Variants in RAPGEF2 observed in about 807,000 individuals in gnomAD.
RAPGEF2 encodes the protein PDZ domain containing guanine nucleotide exchange factor (GEF) 1.
In RAPGEF2, 54 loss-of-function variants were observed where a neutral mutation model predicts 186.7. The observed-to-expected ratio is 0.29, with a 90% confidence interval of 0.23 to 0.36. The LOEUF (loss-of-function observed/expected upper bound fraction) is 0.36. RAPGEF2 is among the 10% of genes least tolerant of loss of function. RAPGEF2 has a pLI of 1.00. For synonymous variants in RAPGEF2, 712 were observed against 705.9 expected (o/e 1.01, Z -0.14); for missense variants, 1,532 against 2,045.0 (o/e 0.75, Z 4.84).
chr4:159,149,058 C>T (rs987505906), intron 1 of RAPGEF2, among the ~76,000 whole-genome samples: 1 of 152,022 alleles, frequency 6.6e-6, no homozygotes, highest in Non-Finnish European at 1.5e-5. Flanking sequence ...TATATGTTTC[C>T]CAAAATCAAT....
intron 7 of RAPGEF2, among the ~76,000 whole-genome samples, chr4:159,281,294 T>G (rs910125912): frequency 1.3e-5 from 2 of 151,998 alleles, no homozygotes; most frequent in Non-Finnish European, 2.9e-5. Context: ...CTGGCCATCA[T>G]TTAACTTCTT....
chr4:159,190,418 A>G (rs1172096548), intron 2 of RAPGEF2, among the ~76,000 whole-genome samples: 1 of 152,182 alleles, frequency 6.6e-6, no homozygotes, highest in Non-Finnish European at 1.5e-5. Context: ...TAGATTTAAC[A>G]GGAGAGATGG....
intron 2 of RAPGEF2, among the ~76,000 whole-genome samples, chr4:159,191,630 T>C (rs866887315): frequency 7.2e-5 from 11 of 152,050 alleles, no homozygotes; most frequent in Middle Eastern, 3.4e-3. Flanking sequence ...TCCCAGCCAC[T>C]TGGGAGGCTG....
chr4:159,352,206 G>A (rs139661563), intron 26 of RAPGEF2, among the ~76,000 whole-genome samples: 266 of 152,242 alleles, frequency 1.7e-3, no homozygotes, highest in Admixed American at 3.1e-3. Context: ...TATTCTTTTT[G>A]TTTATATGTT....
At chr4:159,135,886 A>G (rs897697057) in intron 1 of RAPGEF2, among the ~76,000 whole-genome samples, 1 of 152,244 alleles carries the variant, frequency 6.6e-6, no homozygotes, top group African/African-American at 2.4e-5. Context: ...GGCGTGAGCC[A>G]CTGTGCCTGG....
At chr4:159,338,140 T>C (rs75278007) in intron 17 of RAPGEF2, among the ~76,000 whole-genome samples, 171 bp from the exon 18 acceptor site, 1,751 of 152,200 alleles carry the variant, frequency 0.012, 28 homozygotes, top group African/African-American at 0.039. Context: ...ATGAGTTGGA[T>C]ACACTTAAGC....
intron 7 of RAPGEF2, among the ~76,000 whole-genome samples, chr4:159,272,796 AGGTCAGTACAGGTGATGGAGT>A: frequency 6.6e-6 from 1 of 152,356 alleles, no homozygotes; most frequent in Middle Eastern, 3.4e-3. Flanking sequence ...AGAGAGAAGT[AGGTCAGTACAGGTGATGGAGT>A]GGAGGATGTT....
chr4:159,120,807 T>A (rs1739589736), intron 1 of RAPGEF2, among the ~76,000 whole-genome samples: 1 of 151,980 alleles, frequency 6.6e-6, no homozygotes, highest in African/African-American at 2.4e-5. Flanking sequence ...AAGCTAAGAG[T>A]TTATTGGGCT....
chr4:159,282,026 A>G (rs1346200204), intron 7 of RAPGEF2, among the ~76,000 whole-genome samples: 1 of 151,970 alleles, frequency 6.6e-6, no homozygotes, highest in Non-Finnish European at 1.5e-5. Flanking sequence ...GTTCAGAACC[A>G]TTTTTCCTGA....
chr4:159,209,927 G>A (rs1393820141), intron 3 of RAPGEF2, among the ~76,000 whole-genome samples: 1 of 152,184 alleles, frequency 6.6e-6, no homozygotes, highest in African/African-American at 2.4e-5. Context: ...GCAGTAAAAA[G>A]AATACTCAAG....
At chr4:159,297,456 C>T (rs1419010683) in intron 7 of RAPGEF2, among the ~76,000 whole-genome samples, 1 of 152,146 alleles carries the variant, frequency 6.6e-6, no homozygotes, top group African/African-American at 2.4e-5. Context: ...AAGTTGTTAT[C>T]ACTTTGAGAG....
intron 7 of RAPGEF2, chr4:159,268,060 C>G: frequency 7.3e-7 from 1 of 1,372,298 alleles, no homozygotes. Flanking sequence ...TTTTTTTTTT[C>G]CTTTTTCTTT....
At position 159,332,714 on chromosome 4, in the gene RAPGEF2, G is replaced by A. The variant is rs1222871763; in HGVS notation, c.2135+17G>A. On this transcript the variant is annotated intron_variant, in intron 17 of 29. Coordinates refer to ENST00000691494, the MANE Select transcript of RAPGEF2 (RefSeq NM_001394067.2). ...ACCATACAAGTAAGCATCTGCATAT[G>A]TCTTCTGTGCATTATTTTATTTTGT... is the stretch of plus-strand genomic sequence containing the variant. 6.2e-7 allele frequency: 1 copy of A among 1,611,678 alleles called. No individual in the cohort carries two copies. The highest frequency in any genetic ancestry group is 2.2e-5 in the East Asian group (1 of 44,820).
chr4:159,315,428 A>G (rs1201268691), intron 9 of RAPGEF2, among the ~76,000 whole-genome samples: 1 of 152,042 alleles, frequency 6.6e-6, no homozygotes, highest in Non-Finnish European at 1.5e-5. Context: ...AGTACCCTGT[A>G]GGGACCAGCC....
At chr4:159,223,583 CTT>C (rs1319878072) in intron 4 of RAPGEF2, among the ~76,000 whole-genome samples, 5 of 152,104 alleles carry the variant, frequency 3.3e-5, no homozygotes, top group African/African-American at 9.7e-5. Flanking sequence ...ATTAGGCAGA[CTT>C]AATTCAGTTT....
chr4:159,283,280 T>C (rs552735151), intron 7 of RAPGEF2, among the ~76,000 whole-genome samples: 2 of 152,294 alleles, frequency 1.3e-5, no homozygotes, highest in South Asian at 4.1e-4. Context: ...TATAGAACTT[T>C]AAAAGATTTT....
chr4:159,250,792 GGCGC>G (rs1755235567), intron 7 of RAPGEF2, among the ~76,000 whole-genome samples: 2 of 150,332 alleles, frequency 1.3e-5, no homozygotes, highest in Non-Finnish European at 3.0e-5. Flanking sequence ...GCTTGCTCTC[GGCGC>G]CTCGGCCTCG....
At position 159,273,630 on chromosome 4, in the gene RAPGEF2, CTTTCTTTCTTT is replaced by C. The variant is rs1561188287; in HGVS notation, c.543+29840_543+29850del. ...CCCTAGTAAGATCAGTAATCAGTTT[CTTTCTTTCTTT>C]CTTTCTTTCTTTCTTTCTTTCTTTC... is the stretch of plus-strand genomic sequence containing the variant. On this transcript the variant is annotated intron_variant, in intron 7 of 29. Coordinates refer to ENST00000691494, the MANE Select transcript of RAPGEF2 (RefSeq NM_001394067.2). Among the ~76,000 whole-genome samples, 11 of 10,910 alleles carry C rather than the reference CTTTCTTTCTTT, an allele frequency of 1.0e-3. No individual in the cohort carries two copies. The South Asian group carries it at 0.019, about 19-fold the overall frequency. The allele number at this position is 10,910 out of a possible 152,430, so 7.2% of individuals were successfully genotyped here.
Position 159,304,418 on chromosome 4 carries a change from C to T in RAPGEF2, c.620C>T (p.Ser207Leu), listed in dbSNP as rs1298288650. ...GTGACCCACGTTTCTTCTAGCCATT[C>T]AGGATGTAGTATCACTAGTGATTCT... ...PQVTHVSSSH[S>L]GCSITSDSGS... Residue 207 changes from serine to leucine, a missense_variant, in exon 8 of 30, where the codon TCA becomes TTA. Around this residue, in one of 4 missense-constraint regions of RAPGEF2, gnomAD observed 810 missense variants for 1,210.5 expected, o/e 0.67. Coordinates refer to ENST00000691494, the MANE Select transcript of RAPGEF2 (RefSeq NM_001394067.2). The T allele has an allele frequency of 3.7e-6, 6 of 1,602,720 alleles. No homozygotes were observed. Among genetic ancestry groups the T allele is most frequent in the African/African-American group, 1.3e-5 (1 of 74,702 alleles).
Sources: allele counts gnomAD v4.1 joint callset (sites outside exome capture counted in the v4.1 genomes callset), GRCh38; gene constraint gnomAD v4.1.1; regional missense constraint gnomAD v4.1.1; transcripts MANE v1.5; gene names NCBI Gene and HGNC (gene_info 2026-07-23, HGNC 2026-07-21).